NCAPD3: variants seen among roughly 807,000 people sequenced by gnomAD.
NCAPD3 encodes condensin-2 complex subunit D3.
NCAPD3 carries 105 observed loss-of-function variants against 182.9 expected under a neutral mutation model. The ratio of observed to expected loss-of-function variants is 0.57; its 90% CI spans 0.49 to 0.68. The LOEUF is 0.68. Among genes scored for constraint, NCAPD3 ranks in the 30% least tolerant of loss-of-function variants. The pLI is 0.00. For synonymous variants in NCAPD3, 815 were observed against 679.9 expected (o/e 1.20, Z -3.09); for missense variants, 1,944 against 1,837.0 (o/e 1.06, Z -1.07).
At chr11:134,166,662 C>A (rs1244259172) in intron 27 of NCAPD3, among the ~76,000 whole-genome samples, 1 of 81,712 alleles carries the variant, frequency 1.2e-5, no homozygotes, top group Non-Finnish European at 2.4e-5. Context: ...AGCACACTCA[C>A]TTGTGAGATG....
chr11:134,182,852 A>G (rs1944326219), intron 19 of NCAPD3, among the ~76,000 whole-genome samples: 1 of 152,246 alleles, frequency 6.6e-6, no homozygotes, highest in African/African-American at 2.4e-5. Context: ...AGGGGAAACA[A>G]GCGGGTCACA....
intron 27 of NCAPD3, 113 bp downstream of exon 27, chr11:134,167,883 G>A (rs1290217730): frequency 2.1e-6 from 2 of 955,220 alleles, no homozygotes; most frequent in Admixed American, 2.1e-5. Context: ...CTTGGGGGAG[G>A]TGCACACTCA....
At position 134,160,022 on chromosome 11, in the gene NCAPD3, T is replaced by C. The variant is rs1943532710; in HGVS notation, c.3737A>G (p.Lys1246Arg). 2 of 1,614,042 alleles carry C rather than the reference T, an allele frequency of 1.2e-6. No individual in the cohort carries two copies. Among genetic ancestry groups the C allele is most frequent in the South Asian group, 1.1e-5 (1 of 91,078 alleles). The stretch of plus-strand genomic sequence containing the variant: ...ATACTCAAGCTCTGATGCCAGCTGT[T>C]TGTCAACTGCAAAGAAGTCCTTGAG... ...DELKDFFAVD[K>R]QLASELEYDM... The change falls in exon 29 of 35, where the codon AAA becomes AGA. Residue 1246 changes from lysine to arginine, a missense_variant. Coordinates refer to ENST00000534548, the MANE Select transcript of NCAPD3 (RefSeq NM_015261.3).
chr11:134,155,594 G>C (rs1943397308), intron 32 of NCAPD3, among the ~76,000 whole-genome samples: 1 of 152,194 alleles, frequency 6.6e-6, no homozygotes, highest in South Asian at 2.1e-4. Flanking sequence ...AGGCTGCCCT[G>C]TGGAGAAACA....
intron 31 of NCAPD3, among the ~76,000 whole-genome samples, chr11:134,157,417 G>A (rs374928696): frequency 1.3e-5 from 2 of 152,108 alleles, no homozygotes; most frequent in East Asian, 1.9e-4. Flanking sequence ...TACATACAAG[G>A]CTATATGTAC....
At chr11:134,156,648 G>A (rs1378215018) in intron 32 of NCAPD3, among the ~76,000 whole-genome samples, 3 of 152,222 alleles carry the variant, frequency 2.0e-5, no homozygotes, top group South Asian at 2.1e-4. Flanking sequence ...ACGTCTGCCC[G>A]CCCTGGGAGC....
chr11:134,176,787 T>C (rs765564972), intron 23 of NCAPD3, among the ~76,000 whole-genome samples: 2 of 152,236 alleles, frequency 1.3e-5, no homozygotes, highest in Admixed American at 6.5e-5. Context: ...TATAGTTCAC[T>C]AGGTTTTTCC....
intron 16 of NCAPD3, among the ~76,000 whole-genome samples, chr11:134,188,006 A>T (rs1439159457): frequency 1.3e-5 from 2 of 152,170 alleles, no homozygotes; most frequent in African/African-American, 4.8e-5. Context: ...CGTGGCTGTT[A>T]GGGTCGGCCC....
rs975947703 is a variant in NCAPD3, at chr11:134,150,908, T to G, written c.*2036A>C. On this transcript the variant is annotated 3_prime_UTR_variant, in exon 35 of 35. Coordinates refer to ENST00000534548, the MANE Select transcript of NCAPD3 (RefSeq NM_015261.3). ...CTGGCGGGGAGGAAAGTGAAACGCC[T>G]GAATCAAAAGCAGTTTTCTAATTTT... is the stretch of plus-strand genomic sequence containing the variant. 5.9e-5 allele frequency: 9 copies of G among 152,202 alleles called. No individual in the cohort carries two copies. Among genetic ancestry groups the G allele is most frequent in the Admixed American group, 5.2e-4 (8 of 15,282 alleles). 9.4% of individuals were successfully genotyped at this position (152,202 alleles called of 1,614,324 possible). A position where few individuals can be genotyped will look rare whatever the true frequency, so the allele number is the denominator to read the frequency against.
rs1433436938 is a variant in NCAPD3 at position 134,181,070 on chromosome 11, C to T, written c.2559+7G>A. 7 of 1,600,236 alleles carry T rather than the reference C, an allele frequency of 4.4e-6. No individual in the cohort carries two copies. The highest frequency in any genetic ancestry group is 2.2e-5 in the East Asian group (1 of 44,828). ...GAAAAGAATGGTTAGGAAAAGCAGT[C>T]GCTTACCAACAGGTCTTCGTCCATA... On this transcript the variant is annotated splice_region_variant and intron_variant, in intron 20 of 34. Coordinates refer to ENST00000534548, the MANE Select transcript of NCAPD3 (RefSeq NM_015261.3).
intron 24 of NCAPD3, among the ~76,000 whole-genome samples, chr11:134,173,910 G>C (rs552667374): frequency 2.0e-5 from 3 of 150,632 alleles, no homozygotes; most frequent in Non-Finnish European, 3.0e-5. Context: ...GCAGTGAGCC[G>C]AGATCATGCC....
In NCAPD3 at chr11:134,168,031, C is replaced by A. The variant is rs752927657; in HGVS notation, c.3538G>T (p.Val1180Phe). The A allele has an allele frequency of 1.9e-6, 3 of 1,613,872 alleles. No homozygotes were observed. Among genetic ancestry groups the A allele is most frequent in the South Asian group, 2.2e-5 (2 of 91,084 alleles). Residue 1180 changes from valine (V) to phenylalanine (F), a missense_variant, in exon 27 of 35, where the codon GTC (valine) becomes TTC (phenylalanine). Transcript: ENST00000534548. ...EEDDMALANVVMQEAQKKLIS... is the reference protein window; with the variant it reads ...EEDDMALANVFMQEAQKKLIS... ...AGCTTCTTCTGAGCTTCCTGCATGA[C>A]TACATTTGCCAAGGCCATGTCATCT...
At chr11:134,212,375 T>TTGTGTGTGTGTGTGTGTGTGTG (rs56807520) in intron 3 of NCAPD3, among the ~76,000 whole-genome samples, 107 of 143,274 alleles carry the variant, frequency 7.5e-4, no homozygotes, top group South Asian at 3.6e-3. Context: ...TTTTGTTGTT[T>TTGTGTGTGTGTGTGTGTGTGTG]TGTGTGTGTG....
intron 24 of NCAPD3, among the ~76,000 whole-genome samples, chr11:134,175,081 ATATC>A (rs1944127382): frequency 6.6e-6 from 1 of 152,240 alleles, no homozygotes; most frequent in Non-Finnish European, 1.5e-5. Context: ...ACGGTAAAGT[ATATC>A]TATGCTCTTC....
At chr11:134,201,840 A>G (rs549927502) in intron 13 of NCAPD3, among the ~76,000 whole-genome samples, 2 of 152,342 alleles carry the variant, frequency 1.3e-5, no homozygotes, top group Admixed American at 1.3e-4. Flanking sequence ...TTTATTATAA[A>G]TGTAGTTATC....
chr11:134,153,475 G>A (rs1176373930), intron 32 of NCAPD3, 112 bp from the exon 33 acceptor site: 6 of 1,099,472 alleles, frequency 5.5e-6, no homozygotes, highest in East Asian at 2.4e-5. Flanking sequence ...CCCAGCGGCG[G>A]CCCTCAGACC....
intron 27 of NCAPD3, among the ~76,000 whole-genome samples, chr11:134,165,317 G>A (rs1943741962): frequency 6.6e-6 from 1 of 151,656 alleles, no homozygotes; most frequent in Non-Finnish European, 1.5e-5. Flanking sequence ...ACACTCACTT[G>A]TGACATGAGC....
rs77598139 is a variant in NCAPD3, at chr11:134,190,081, T to C, written c.2045+2608A>G. 9.7e-3 allele frequency among the ~76,000 whole-genome samples: 1,475 copies of C among 152,336 alleles called. 18 individuals carry two copies. The highest frequency in any genetic ancestry group is 0.033 in the African/African-American group (1,383 of 41,584). On this transcript the variant is annotated intron_variant, in intron 16 of 34. Coordinates refer to ENST00000534548, the MANE Select transcript of NCAPD3 (RefSeq NM_015261.3). ...TTTATTTTATGATTTCGATATACCATGCTTTTTATTTCCTTCTCATTTTTT... is the reference window on the plus strand; with the variant it reads ...TTTATTTTATGATTTCGATATACCACGCTTTTTATTTCCTTCTCATTTTTT...
upstream of NCAPD3, chr11:134,224,150 G>A (rs1938359934): frequency 5.0e-6 from 3 of 604,886 alleles, no homozygotes; most frequent in South Asian, 4.0e-5. Context: ...GGCTCCTGCG[G>A]GTGTTCCGCT....
Sources: gnomAD v4.1 joint callset for allele counts (sites outside exome capture counted in the v4.1 genomes callset) on GRCh38, gnomAD v4.1.1 for gene constraint, MANE v1.5 for transcripts, NCBI Gene and HGNC (gene_info 2026-07-23, HGNC 2026-07-21) for gene names.